RAPGEF4: variants seen among roughly 807,000 people sequenced by gnomAD.
RAPGEF4 encodes RAP guanine-nucleotide-exchange factor (GEF) 4.
Under a neutral mutation model 147.9 loss-of-function variants are expected in RAPGEF4, and 66 were observed. The ratio of observed to expected loss-of-function variants is 0.45; its 90% CI spans 0.37 to 0.55. RAPGEF4 has a LOEUF of 0.55. Among genes scored for constraint, RAPGEF4 ranks in the 20% least tolerant of loss-of-function variants. The pLI is 0.00. For synonymous variants in RAPGEF4, 419 were observed against 442.7 expected (o/e 0.95, Z 0.67); for missense variants, 1,071 against 1,257.3 (o/e 0.85, Z 2.24).
chr2:173,024,202 A>G (rs1490636445), intron 23 of RAPGEF4, among the ~76,000 whole-genome samples: 1 of 140,782 alleles, frequency 7.1e-6, no homozygotes, highest in African/African-American at 2.6e-5. Flanking sequence ...TTGCTACAGC[A>G]CTTCTTTTTT....
intron 4 of RAPGEF4, among the ~76,000 whole-genome samples, chr2:172,831,266 C>CTTTTTATTTTTTTTTTTTTTTTTTTTTT (rs1690282333): frequency 1.9e-5 from 1 of 53,876 alleles, no homozygotes; most frequent in Non-Finnish European, 3.6e-5. Flanking sequence ...AGATAGAAAA[C>CTTTTTATTTTTTTTTTTTTTTTTTTTTT]TTTTTTTTTT....
At chr2:173,027,298 G>A in intron 25 of RAPGEF4, 39 bp downstream of exon 25, 1 of 1,494,502 alleles carries the variant, frequency 6.7e-7, no homozygotes, top group Non-Finnish European at 8.9e-7. Context: ...AAAAAATGTT[G>A]AGCTGTGTTT....
intron 12 of RAPGEF4, among the ~76,000 whole-genome samples, chr2:172,987,079 G>A (rs1018624292): frequency 2.0e-5 from 3 of 152,256 alleles, no homozygotes; most frequent in East Asian, 1.9e-4. Flanking sequence ...TTGGGTGGCC[G>A]AGGCAGGTGG....
At chr2:172,984,449 G>A (rs573725774) in intron 11 of RAPGEF4, among the ~76,000 whole-genome samples, 1 of 152,290 alleles carries the variant, frequency 6.6e-6, no homozygotes, top group Non-Finnish European at 1.5e-5. Context: ...AAGCAAGAGG[G>A]CTTCAAGTCC....
At chr2:172,834,978 C>T (rs1360760784) in intron 4 of RAPGEF4, among the ~76,000 whole-genome samples, 1 of 152,134 alleles carries the variant, frequency 6.6e-6, no homozygotes, top group Non-Finnish European at 1.5e-5. Flanking sequence ...GACTGGCGCC[C>T]TCTGAGGCTT....
intron 6 of RAPGEF4, among the ~76,000 whole-genome samples, chr2:172,922,720 T>A (rs1684894298): frequency 6.6e-6 from 1 of 152,234 alleles, no homozygotes; most frequent in African/African-American, 2.4e-5. Context: ...TGCACTAGTG[T>A]TAACATTTCT....
chr2:172,921,579 A>G (rs537998707), intron 5 of RAPGEF4, among the ~76,000 whole-genome samples: 1 of 152,326 alleles, frequency 6.6e-6, no homozygotes, highest in Admixed American at 6.5e-5. Flanking sequence ...CCTCTGTATA[A>G]GGTCACAGAA....
At chr2:172,753,399 CT>C (rs55703709) in intron 1 of RAPGEF4, among the ~76,000 whole-genome samples, 1,885 of 144,998 alleles carry the variant, frequency 0.013, 44 homozygotes, top group African/African-American at 0.043. Flanking sequence ...CCTTGATTTT[CT>C]TTTTTTTTTT....
intron 3 of RAPGEF4, among the ~76,000 whole-genome samples, chr2:172,803,634 T>G (rs1687194142): frequency 6.6e-6 from 1 of 152,236 alleles, no homozygotes; most frequent in African/African-American, 2.4e-5. Context: ...TCCCTGTTAC[T>G]TATGCAAATT....
At chr2:173,007,426 A>G (rs1694592261) in intron 17 of RAPGEF4, among the ~76,000 whole-genome samples, 1 of 152,214 alleles carries the variant, frequency 6.6e-6, no homozygotes, top group African/African-American at 2.4e-5. Flanking sequence ...TGTGGATAGG[A>G]GTAACATCAC....
chr2:172,937,530 C>T (rs924669995), intron 6 of RAPGEF4, among the ~76,000 whole-genome samples: 5 of 152,120 alleles, frequency 3.3e-5, no homozygotes, highest in African/African-American at 1.2e-4. Flanking sequence ...AGAATATATA[C>T]TATTAGTATG....
chr2:172,898,743 G>A (rs1212156946), intron 4 of RAPGEF4, among the ~76,000 whole-genome samples: 1 of 152,134 alleles, frequency 6.6e-6, no homozygotes, highest in Non-Finnish European at 1.5e-5. Context: ...CTCCCTATGG[G>A]CCGCCACACA....
At chr2:172,824,557 G>A (rs1176128386) in intron 4 of RAPGEF4, among the ~76,000 whole-genome samples, 1 of 152,180 alleles carries the variant, frequency 6.6e-6, no homozygotes, top group Non-Finnish European at 1.5e-5. Context: ...GCAGATTTAT[G>A]TAATAATGGC....
At position 173,042,808 on chromosome 2, in the gene RAPGEF4, C is replaced by T. The variant is rs1347805424; in HGVS notation, c.2854-5792C>T. The stretch of plus-strand genomic sequence containing the variant: ...CCCTCCCTGAGTACATAGAGGTATA[C>T]ATGCTCTACACGTGCCTGGAAAGGC... On this transcript the variant is annotated intron_variant, in intron 29 of 30. Transcript: ENST00000397081. This position sits in a 1 kb window ranked among gnomAD's most constrained non-coding sequence, Gnocchi z 4.2. Among the ~76,000 whole-genome samples the T allele has an allele frequency of 6.6e-6, 1 of 152,224 alleles. No individual in the cohort carries two copies. Among genetic ancestry groups the T allele is most frequent in the Non-Finnish European group, 1.5e-5 (1 of 68,040 alleles).
At position 172,968,252 on chromosome 2, in the gene RAPGEF4, C is replaced by T. The variant is rs1033450064; in HGVS notation, c.1004+808C>T. Reference sequence around the variant, plus strand: ...TGTGTTTTTTGGCTGGAAATGAAGACGCCCTCTGCCCCACAGCCAGCGTCG... The same window carrying T: ...TGTGTTTTTTGGCTGGAAATGAAGATGCCCTCTGCCCCACAGCCAGCGTCG... On this transcript the variant is annotated intron_variant, in intron 10 of 30. Coordinates refer to ENST00000397081, the MANE Select transcript of RAPGEF4 (RefSeq NM_007023.4). Among the ~76,000 whole-genome samples the T allele has an allele frequency of 5.3e-5, 8 of 152,276 alleles. No individual in the cohort carries two copies. The East Asian group carries it at 5.8e-4, about 11-fold the overall frequency.
At chr2:172,915,474 G>A (rs941896227) in intron 4 of RAPGEF4, among the ~76,000 whole-genome samples, 2 of 152,030 alleles carry the variant, frequency 1.3e-5, no homozygotes, top group African/African-American at 4.8e-5. Context: ...GCCGAGGCGG[G>A]TGGATTGCTT....
chr2:173,018,709 G>A lies in RAPGEF4; in HGVS notation c.2062G>A (p.Val688Met). 6.2e-7 allele frequency: 1 copy of A among 1,614,144 alleles called. No individual in the cohort carries two copies. Among genetic ancestry groups the A allele is most frequent in the Non-Finnish European group, 8.5e-7 (1 of 1,180,026 alleles). The change falls in exon 22 of 31, where the codon GTG (valine) becomes ATG (methionine). Residue 688 changes from valine to methionine, a missense_variant. Val to Met is a conservative substitution (Grantham distance 21, BLOSUM62 1). Coordinates refer to ENST00000397081, the MANE Select transcript of RAPGEF4 (RefSeq NM_007023.4). ...CACCTACACAACCATTCGGGTGCCA[G>A]TGGCCACTTCGGTGAAGGAAGTCAT... ...DHTYTTIRVP[V>M]ATSVKEVISA...
In RAPGEF4 at chr2:172,876,131, G is replaced by A. The variant is rs181109966; in HGVS notation, c.445-41671G>A. ...ACTTTGCTGAAGTTGCTTATTATCAGCTTAAGGAGATTTTGGGCTGAGACG... is the reference window on the plus strand; with the variant it reads ...ACTTTGCTGAAGTTGCTTATTATCAACTTAAGGAGATTTTGGGCTGAGACG... On this transcript the variant is annotated intron_variant, in intron 4 of 30. Coordinates refer to ENST00000397081, the MANE Select transcript of RAPGEF4 (RefSeq NM_007023.4). 1.4e-4 allele frequency among the ~76,000 whole-genome samples: 21 copies of A among 152,266 alleles called. No individual in the cohort carries two copies. The East Asian group carries it at 1.7e-3, about 13-fold the overall frequency.
intron 13 of RAPGEF4, 87 bp from the exon 14 acceptor site, chr2:172,988,605 TA>T: frequency 7.0e-7 from 1 of 1,418,704 alleles, no homozygotes; most frequent in South Asian, 1.3e-5. Flanking sequence ...TACAATGTTT[TA>T]GGGGCTTGGG....
Sources: gnomAD v4.1 joint callset for allele counts (sites outside exome capture counted in the v4.1 genomes callset) on GRCh38, gnomAD v4.1.1 for gene constraint, Gnocchi (gnomAD v3.1) non-coding constraint, MANE v1.5 for transcripts, NCBI Gene and HGNC (gene_info 2026-07-23, HGNC 2026-07-21) for gene names.